KGD4: variants seen among roughly 807,000 people sequenced by gnomAD.
KGD4 encodes alpha-ketoglutarate dehydrogenase component 4.
the KGD4 span, among the ~76,000 whole-genome samples, chr5:69,220,407 A>G: frequency 6.6e-6 from 1 of 151,974 alleles, no homozygotes; most frequent in African/African-American, 2.4e-5. Context: ...TGTACTCCCA[A>G]CACTTTGGAA....
the KGD4 span, among the ~76,000 whole-genome samples, chr5:69,226,710 G>A: frequency 4.6e-5 from 7 of 152,086 alleles, no homozygotes; most frequent in South Asian, 4.2e-4. Flanking sequence ...TTAGCCAGGC[G>A]TGGTGGCGGG....
At chr5:69,220,127 A>G in the KGD4 span, among the ~76,000 whole-genome samples, 1 of 151,748 alleles carries the variant, frequency 6.6e-6, no homozygotes, top group Admixed American at 6.6e-5. Flanking sequence ...GCTACTCAGG[A>G]GGCTGAGGTG....
chr5:69,219,007 C>A, the KGD4 span, among the ~76,000 whole-genome samples: 20 of 152,222 alleles, frequency 1.3e-4, no homozygotes, highest in African/African-American at 4.8e-4. Flanking sequence ...AAAGACTTGG[C>A]GTGTTGCACA....
the KGD4 span, among the ~76,000 whole-genome samples, chr5:69,224,701 T>G: frequency 6.6e-6 from 1 of 151,992 alleles, no homozygotes; most frequent in South Asian, 2.1e-4. Context: ...GAGGCGGAGG[T>G]TGCGGTAAGG....
the KGD4 span, among the ~76,000 whole-genome samples, chr5:69,228,625 G>A: frequency 6.6e-6 from 1 of 152,026 alleles, no homozygotes; most frequent in Non-Finnish European, 1.5e-5. Flanking sequence ...AGCTCTTTGG[G>A]GTCCTGAATA....
At chr5:69,229,213 A>T in the KGD4 span, 7 of 1,610,380 alleles carry the variant, frequency 4.3e-6, no homozygotes, top group Non-Finnish European at 5.9e-6. Context: ...TTCAGCGTGG[A>T]GGTCCTGAAT....
chr5:69,222,793 GT>G, the KGD4 span, among the ~76,000 whole-genome samples: 9 of 148,978 alleles, frequency 6.0e-5, no homozygotes, highest in African/African-American at 9.8e-5. Context: ...TAATAGAGAA[GT>G]TTTTTTTTTT....
At chr5:69,217,916 G>A in the KGD4 span, 1 of 1,613,922 alleles carries the variant, frequency 6.2e-7, no homozygotes, top group South Asian at 1.1e-5. Flanking sequence ...GGTAGGGACG[G>A]TGCTGACTAT....
At chr5:69,229,294 G>GTTTCTCATCTGTC in the KGD4 span, 1 of 1,341,122 alleles carries the variant, frequency 7.5e-7, no homozygotes, top group East Asian at 2.3e-5. Context: ...CAAAATGACA[G>GTTTCTCATCTGTC]ATGAGAAACT....
chr5:69,223,412 A>G, the KGD4 span, among the ~76,000 whole-genome samples: 1 of 151,926 alleles, frequency 6.6e-6, no homozygotes, highest in African/African-American at 2.4e-5. Flanking sequence ...CTTGAGCATG[A>G]TTTTATGGTG....
At chr5:69,226,458 T>G in the KGD4 span, 2 of 1,202,492 alleles carry the variant, frequency 1.7e-6, no homozygotes, top group Non-Finnish European at 2.4e-6. Flanking sequence ...TATTTATAAA[T>G]GAGTATTTTA....
chr5:69,226,430 T>TA, the KGD4 span: 3 of 1,399,308 alleles, frequency 2.1e-6, no homozygotes, highest in Admixed American at 3.8e-5. Flanking sequence ...AAATTTCTTT[T>TA]AAAATTGTGT....
At chr5:69,229,133 T>C in the KGD4 span, 3 of 1,298,846 alleles carry the variant, frequency 2.3e-6, no homozygotes, top group African/African-American at 4.4e-5. Flanking sequence ...TTGTATAAAT[T>C]TGTAAAATTG....
chr5:69,218,223 G>T, the KGD4 span: 2 of 299,108 alleles, frequency 6.7e-6, no homozygotes, highest in East Asian at 6.5e-5. Context: ...TCGCCGTCTA[G>T]GATTGGCTGT....
At chr5:69,228,174 A>C in the KGD4 span, 3 of 1,433,670 alleles carry the variant, frequency 2.1e-6, no homozygotes, top group Non-Finnish European at 2.8e-6. Context: ...TTTCTCTAAT[A>C]AGGTCTTTTT....
the KGD4 span, chr5:69,217,872 G>A: frequency 1.9e-6 from 3 of 1,614,108 alleles, no homozygotes; most frequent in Non-Finnish European, 2.5e-6. Flanking sequence ...GGTCGTTCAG[G>A]TAAAGCAATT....
At chr5:69,219,547 A>G in the KGD4 span, among the ~76,000 whole-genome samples, 1 of 152,178 alleles carries the variant, frequency 6.6e-6, no homozygotes, top group Non-Finnish European at 1.5e-5. Flanking sequence ...TACAGTCCAA[A>G]GCAATACTAA....
the KGD4 span, among the ~76,000 whole-genome samples, chr5:69,223,545 T>C: frequency 1.3e-5 from 2 of 152,332 alleles, no homozygotes; most frequent in South Asian, 4.1e-4. Flanking sequence ...ACTACAAATA[T>C]ATAAATATAT....
At chr5:69,222,366 C>T in the KGD4 span, among the ~76,000 whole-genome samples, 1 of 151,838 alleles carries the variant, frequency 6.6e-6, no homozygotes, top group Admixed American at 6.6e-5. Context: ...TGGCAGAGGA[C>T]GTAAGCTGTA....
Sources: allele counts gnomAD v4.1 joint callset (sites outside exome capture counted in the v4.1 genomes callset), GRCh38; gene constraint gnomAD v4.1.1; transcripts MANE v1.5; gene names NCBI Gene and HGNC (gene_info 2026-07-23, HGNC 2026-07-21).